The following USP34 variants were observed in gnomAD, a reference collection of about 807,000 sequenced individuals.
USP34 encodes the protein ubiquitin specific peptidase 34.
A neutral mutation model predicts 460.3 loss-of-function variants in USP34; 70 were observed. The observed-to-expected ratio is 0.15, with a 90% confidence interval of 0.13 to 0.19. USP34 has a LOEUF of 0.19. Among genes scored for constraint, USP34 ranks in the 10% least tolerant of loss-of-function variants. USP34 has a pLI of 1.00. For synonymous variants in USP34, 1,647 were observed against 1,405.3 expected, an observed-to-expected ratio of 1.17 and a Z score of -3.85; for missense variants, 3,985 against 4,236.2, an observed-to-expected ratio of 0.94 and a Z score of 1.65.
chr2:61,256,559 G>A (rs770007005), intron 47 of USP34, 81 bp from the exon 48 acceptor site: 5 of 1,154,302 alleles, frequency 4.3e-6, no homozygotes, highest in African/African-American at 1.6e-5. Flanking sequence ...TTACAATTTT[G>A]ACAGAATGCT....
intron 58 of USP34, among the ~76,000 whole-genome samples, chr2:61,229,959 A>G (rs1687842400): frequency 6.6e-6 from 1 of 152,198 alleles, no homozygotes; most frequent in African/African-American, 2.4e-5. Context: ...TTCCTTAAGA[A>G]GAGTGGAATG....
intron 17 of USP34, 21 bp from the exon 18 acceptor site, chr2:61,339,499 A>G: frequency 6.4e-7 from 1 of 1,559,182 alleles, no homozygotes; most frequent in Non-Finnish European, 8.7e-7. Context: ...TGTATATAAA[A>G]TTACTATTTA....
intron 1 of USP34, among the ~76,000 whole-genome samples, chr2:61,433,717 A>G (rs1030141934): frequency 1.3e-5 from 2 of 152,276 alleles, no homozygotes; most frequent in Non-Finnish European, 2.9e-5. Flanking sequence ...GGAAATCCAT[A>G]CAGCTGCACT....
At chr2:61,253,738 C>CT (rs773120038) in intron 48 of USP34, among the ~76,000 whole-genome samples, 2,351 of 142,186 alleles carry the variant, frequency 0.017, 26 homozygotes, top group Middle Eastern at 0.095. Context: ...GTTTTTATTG[C>CT]TTTTTTTTTT....
At chr2:61,378,269 A>G in intron 8 of USP34, 94 bp downstream of exon 8, 1 of 904,388 alleles carries the variant, frequency 1.1e-6, no homozygotes, top group South Asian at 1.6e-5. Flanking sequence ...AAGAATTTCT[A>G]GTAAAAATTT....
chr2:61,353,085 T>C (rs1321039737), intron 10 of USP34, among the ~76,000 whole-genome samples: 1 of 152,214 alleles, frequency 6.6e-6, no homozygotes, highest in Admixed American at 6.5e-5. Flanking sequence ...AACCTGCCCA[T>C]GCAATGACAG....
In USP34 at chr2:61,189,064, C is replaced by G; in HGVS notation, c.9879G>C (p.Leu3293=). The G allele has an allele frequency of 6.2e-7, 1 of 1,610,372 alleles. No homozygotes were observed. Among genetic ancestry groups the G allele is most frequent in the Non-Finnish European group, 8.5e-7 (1 of 1,178,928 alleles). The change falls in exon 79 of 80, where the codon CTG becomes CTC. Residue 3293 remains leucine, a synonymous_variant. Coordinates refer to ENST00000398571, the MANE Select transcript of USP34 (RefSeq NM_014709.4). The part of the protein sequence containing the change: ...SKASASLNGD[L]RALALLLSVH... Reference sequence around the variant, plus strand: ...CTGACAGGAGCAAAGCGAGTGCCCTCAGGTCCTACAAAAACCCAGATAGGA... The same window carrying G: ...CTGACAGGAGCAAAGCGAGTGCCCTGAGGTCCTACAAAAACCCAGATAGGA...
intron 41 of USP34, among the ~76,000 whole-genome samples, chr2:61,274,036 A>G (rs1184232780): frequency 2.0e-5 from 3 of 151,950 alleles, no homozygotes; most frequent in Non-Finnish European, 2.9e-5. Flanking sequence ...AGTATAACAC[A>G]GTATCTAGTA....
At chr2:61,224,886 T>C (rs1687684379) in intron 62 of USP34, among the ~76,000 whole-genome samples, 1 of 152,208 alleles carries the variant, frequency 6.6e-6, no homozygotes, top group South Asian at 2.1e-4. Flanking sequence ...TCAGTAGTCT[T>C]AGACTGCCTC....
At chr2:61,440,131 G>A (rs897882901) in intron 1 of USP34, among the ~76,000 whole-genome samples, 4 of 152,128 alleles carry the variant, frequency 2.6e-5, no homozygotes, top group East Asian at 3.9e-4. Flanking sequence ...CAGCATGGCC[G>A]TCCCTCCCGA....
intron 68 of USP34, 152 bp from the exon 69 acceptor site, chr2:61,212,081 T>G: frequency 8.8e-7 from 1 of 1,142,302 alleles, no homozygotes; most frequent in Non-Finnish European, 1.2e-6. Flanking sequence ...CAGTAACAAA[T>G]TCTATTTAAA....
At chr2:61,330,877 T>C (rs934371092) in intron 20 of USP34, among the ~76,000 whole-genome samples, 4 of 152,162 alleles carry the variant, frequency 2.6e-5, no homozygotes, top group Admixed American at 6.5e-5. Flanking sequence ...TATGCAATTA[T>C]AATAAAATGT....
chr2:61,280,036 A>G (rs1347949164), intron 39 of USP34, among the ~76,000 whole-genome samples: 1 of 152,216 alleles, frequency 6.6e-6, no homozygotes, highest in Non-Finnish European at 1.5e-5. Flanking sequence ...TAGATACCAG[A>G]TGAAGACGTT....
intron 5 of USP34, among the ~76,000 whole-genome samples, chr2:61,384,726 G>C (rs1693083753): frequency 6.6e-6 from 1 of 151,986 alleles, no homozygotes; most frequent in African/African-American, 2.4e-5. Context: ...TCAGAATGTA[G>C]GGATTCACTA....
intron 51 of USP34, among the ~76,000 whole-genome samples, chr2:61,242,852 ATTT>A (rs1279476871): frequency 1.3e-5 from 2 of 151,222 alleles, no homozygotes; most frequent in African/African-American, 2.4e-5. Context: ...GATTCAAAAC[ATTT>A]TTTTTTCTTT....
chr2:61,344,141 TCTG>T (rs1297217123), intron 15 of USP34, 112 bp from the exon 16 acceptor site: 1 of 928,134 alleles, frequency 1.1e-6, no homozygotes, highest in Non-Finnish European at 1.6e-6. Context: ...CAAACCGACA[TCTG>T]CTTATTAACA....
At chr2:61,370,170 G>C (rs1692576201) in intron 10 of USP34, 151 bp downstream of exon 10, 4 of 692,294 alleles carry the variant, frequency 5.8e-6, no homozygotes, top group Non-Finnish European at 7.3e-6. Flanking sequence ...AACATAGTAA[G>C]ACATGGACTC....
At chr2:61,388,786 TAC>T (rs1444018041) in intron 5 of USP34, among the ~76,000 whole-genome samples, 19 of 142,798 alleles carry the variant, frequency 1.3e-4, no homozygotes, top group Admixed American at 2.1e-4. Context: ...TATATATATG[TAC>T]ACACACACAC....
intron 62 of USP34, among the ~76,000 whole-genome samples, chr2:61,225,751 A>G (rs1687707544): frequency 6.6e-6 from 1 of 152,152 alleles, no homozygotes; most frequent in Non-Finnish European, 1.5e-5. Flanking sequence ...CAATCGATAC[A>G]TTTACTTTGT....
Sources: allele counts gnomAD v4.1 joint callset (sites outside exome capture counted in the v4.1 genomes callset), GRCh38; gene constraint gnomAD v4.1.1; transcripts MANE v1.5; gene names NCBI Gene and HGNC (gene_info 2026-07-23, HGNC 2026-07-21).